The following AFF3 variants were observed in gnomAD, a reference collection of about 807,000 sequenced individuals.
AFF3 encodes the protein AF4/FMR2 family member 3.
Under a neutral mutation model 129.7 loss-of-function variants are expected in AFF3, and 32 were observed. The ratio of observed to expected loss-of-function variants is 0.25; its 90% CI spans 0.19 to 0.33. The LOEUF (loss-of-function observed/expected upper bound fraction) is 0.33, where lower values mean the gene tolerates loss of function less well. Ranked by LOEUF, AFF3 falls within the 10% of genes least tolerant of loss-of-function variation. The pLI, the probability that AFF3 is intolerant of heterozygous loss-of-function variation, is 1.00. For synonymous variants in AFF3, 644 were observed against 635.4 expected (o/e 1.01, Z -0.20); for missense variants, 1,373 against 1,592.0 (o/e 0.86, Z 2.34).
At chr2:100,102,768 TAAAAGCAAACAGCATTTTAA>T (rs1245051489) in intron 4 of AFF3, among the ~76,000 whole-genome samples, 1 of 116,172 alleles carries the variant, frequency 8.6e-6, no homozygotes, top group Non-Finnish European at 1.7e-5. Flanking sequence ...AACTGCCTTT[TAAAAGCAAACAGCATTTTAA>T]AAGTACAGTT....
chr2:99,581,031 CATGT>C (rs1439029274), intron 17 of AFF3, among the ~76,000 whole-genome samples: 3 of 152,214 alleles, frequency 2.0e-5, no homozygotes, highest in Non-Finnish European at 4.4e-5. Flanking sequence ...GTGAATCATG[CATGT>C]GTGTGATCCC....
At position 99,752,378 on chromosome 2, in the gene AFF3, C is replaced by T; in HGVS notation, c.922-77G>A. Reference sequence around the variant, plus strand: ...ATCAGCGGTATGTAAAGCAGCTGTACAAGTGGGCCTTCATAAGGCAGGGAA... The same window carrying T: ...ATCAGCGGTATGTAAAGCAGCTGTATAAGTGGGCCTTCATAAGGCAGGGAA... On this transcript the variant is annotated intron_variant, in intron 8 of 24. Coordinates refer to ENST00000672756, the MANE Select transcript of AFF3 (RefSeq NM_001386135.1). 2.4e-6 allele frequency: 3 copies of T among 1,255,642 alleles called. 1 individual carries two copies. The highest frequency in any genetic ancestry group is 3.4e-6 in the Non-Finnish European group (3 of 871,682). The allele number at this position is 1,255,642 out of a possible 1,614,324, so 77.8% of individuals were successfully genotyped here.
At chr2:100,002,905 C>T (rs1681562222) in intron 7 of AFF3, among the ~76,000 whole-genome samples, 1 of 152,226 alleles carries the variant, frequency 6.6e-6, no homozygotes, top group Admixed American at 6.5e-5. Flanking sequence ...CACCACTGTC[C>T]TATTTTGTGC....
chr2:99,551,855 A>G (rs762032516), intron 24 of AFF3, among the ~76,000 whole-genome samples: 4 of 152,194 alleles, frequency 2.6e-5, no homozygotes, highest in Non-Finnish European at 5.9e-5. Context: ...AGCAAAGAAA[A>G]TCCATATCCT....
chr2:99,866,787 G>C (rs563510322), intron 7 of AFF3, among the ~76,000 whole-genome samples: 21 of 151,932 alleles, frequency 1.4e-4, no homozygotes, highest in Non-Finnish European at 2.8e-4. Flanking sequence ...GACCAGCCTG[G>C]CCAACATGGT....
intron 17 of AFF3, 53 bp downstream of exon 17, chr2:99,582,745 G>A (rs1677692315): frequency 6.3e-7 from 1 of 1,577,660 alleles, no homozygotes; most frequent in Non-Finnish European, 8.7e-7. Context: ...CAGAGCTTGG[G>A]GGTGCTCAAT....
intron 11 of AFF3, among the ~76,000 whole-genome samples, chr2:99,688,778 C>A (rs927217781): frequency 6.6e-6 from 1 of 152,172 alleles, no homozygotes; most frequent in Non-Finnish European, 1.5e-5. Flanking sequence ...CAGGCCACTG[C>A]GCCTGGGCAT....
At position 99,593,814 on chromosome 2, in the gene AFF3, G is replaced by A. The variant is rs139143689; in HGVS notation, c.1847C>T (p.Thr616Met). 2 of 1,609,390 alleles carry A rather than the reference G, an allele frequency of 1.2e-6. No individual in the cohort carries two copies. Among genetic ancestry groups the A allele is most frequent in the Non-Finnish European group, 1.7e-6 (2 of 1,178,646 alleles). ...GGGCTCCGGGGGGACCACCACGCTC[G>A]TCCCCAGCGCGTCCGCGGCCGCGGG... is the stretch of plus-strand genomic sequence containing the variant. ...EEPAAADALGTSVVVPPEPTK... is the reference protein window; with the variant it reads ...EEPAAADALGMSVVVPPEPTK... The change falls in exon 15 of 25, where the codon ACG (threonine) becomes ATG (methionine). Residue 616 changes from threonine to methionine, a missense_variant. Thr to Met is a moderately conservative substitution (Grantham distance 81, BLOSUM62 -1). Around this residue, in one of 9 missense-constraint regions of AFF3, gnomAD observed 466 missense variants for 505.0 expected, o/e 0.92. Transcript: ENST00000672756.
At chr2:99,715,867 T>C (rs1334883057) in intron 11 of AFF3, among the ~76,000 whole-genome samples, 2 of 151,990 alleles carry the variant, frequency 1.3e-5, no homozygotes, top group Non-Finnish European at 1.5e-5. Context: ...AGAGACAGGG[T>C]TTCACCGTGT....
At chr2:99,824,189 C>T (rs534265564) in intron 8 of AFF3, among the ~76,000 whole-genome samples, 85 of 151,568 alleles carry the variant, frequency 5.6e-4, no homozygotes, top group African/African-American at 2.0e-3. Context: ...GATCTCGGCT[C>T]GCCGCAACCT....
intron 4 of AFF3, among the ~76,000 whole-genome samples, chr2:100,058,002 A>G (rs928039279): frequency 6.6e-6 from 1 of 152,218 alleles, no homozygotes; most frequent in Non-Finnish European, 1.5e-5. Context: ...ATAAAATGAC[A>G]TTAACTTTCT....
chr2:100,084,941 G>A (rs1689302385), intron 4 of AFF3, among the ~76,000 whole-genome samples: 1 of 149,030 alleles, frequency 6.7e-6, no homozygotes, highest in South Asian at 2.1e-4. Context: ...GTTTTCATTG[G>A]TTGTCCATAG....
intron 7 of AFF3, among the ~76,000 whole-genome samples, chr2:99,900,187 G>A (rs1694245558): frequency 6.6e-6 from 1 of 152,132 alleles, no homozygotes; most frequent in Non-Finnish European, 1.5e-5. Flanking sequence ...GCAGTTGTAG[G>A]GAGACAGTAT....
chr2:99,813,774 CT>C (rs1191695089), intron 8 of AFF3, among the ~76,000 whole-genome samples: 1 of 152,156 alleles, frequency 6.6e-6, no homozygotes, highest in African/African-American at 2.4e-5. Flanking sequence ...AACAACTCTG[CT>C]TTATTTGTAA....
intron 7 of AFF3, among the ~76,000 whole-genome samples, chr2:99,870,862 G>A (rs1339559703): frequency 1.3e-5 from 2 of 152,182 alleles, no homozygotes; most frequent in Non-Finnish European, 2.9e-5. Context: ...CATTTAAAAT[G>A]TGGACTCTGG....
At chr2:99,835,124 C>T (rs1036102298) in intron 8 of AFF3, among the ~76,000 whole-genome samples, 1 of 152,176 alleles carries the variant, frequency 6.6e-6, no homozygotes, top group African/African-American at 2.4e-5. Context: ...CATCTCTGGG[C>T]TGGACTCCTG....
At chr2:99,832,876 G>T (rs1371308395) in intron 8 of AFF3, among the ~76,000 whole-genome samples, 1 of 152,112 alleles carries the variant, frequency 6.6e-6, no homozygotes, top group African/African-American at 2.4e-5. Context: ...CCATTGGTGG[G>T]CTTCATTTCA....
intron 7 of AFF3, among the ~76,000 whole-genome samples, chr2:99,959,868 C>T (rs559794815): frequency 3.2e-4 from 48 of 152,060 alleles, no homozygotes; most frequent in Non-Finnish European, 6.0e-4. Flanking sequence ...CTACACCCAG[C>T]ATAGCCTATG....
At chr2:99,898,807 T>G (rs1450582064) in intron 7 of AFF3, among the ~76,000 whole-genome samples, 1 of 152,222 alleles carries the variant, frequency 6.6e-6, no homozygotes, top group Non-Finnish European at 1.5e-5. Flanking sequence ...CAGTCCCCAC[T>G]GCCTTCAGGC....
Sources: allele counts gnomAD v4.1 joint callset (sites outside exome capture counted in the v4.1 genomes callset), GRCh38; gene constraint gnomAD v4.1.1; regional missense constraint gnomAD v4.1.1; transcripts MANE v1.5; gene names NCBI Gene and HGNC (gene_info 2026-07-23, HGNC 2026-07-21).